The following ERBB4 variants were observed in gnomAD, a reference collection of about 807,000 sequenced individuals.
The protein encoded by ERBB4 is receptor tyrosine-protein kinase erbB-4.
ERBB4 carries 42 observed loss-of-function variants against 158.0 expected under a neutral mutation model. The observed-to-expected ratio is 0.27, with a 90% CI of 0.21 to 0.34. ERBB4 has a LOEUF of 0.34. Among genes scored for constraint, ERBB4 ranks in the 10% least tolerant of loss-of-function variants. The probability of loss-of-function intolerance (pLI) is 1.00; values close to 1 mark genes in which losing one functional copy is unlikely to be tolerated. For synonymous variants in ERBB4, 583 were observed against 558.7 expected, an observed-to-expected ratio of 1.04 and a Z score of -0.61; for missense variants, 1,333 against 1,624.1, an observed-to-expected ratio of 0.82 and a Z score of 3.08.
intron 4 of ERBB4, among the ~76,000 whole-genome samples, chr2:211,754,402 A>T (rs2075234931): frequency 1.7e-5 from 2 of 121,188 alleles, no homozygotes; most frequent in Non-Finnish European, 1.8e-5. Flanking sequence ...TTATTGCAAT[A>T]ATCCCTTTTT....
intron 5 of ERBB4, among the ~76,000 whole-genome samples, chr2:211,750,090 T>C (rs1020696188): frequency 6.6e-5 from 10 of 152,202 alleles, no homozygotes; most frequent in African/African-American, 2.4e-4. Context: ...CTTCATATTT[T>C]CTTTAGCTAA....
intron 2 of ERBB4, among the ~76,000 whole-genome samples, chr2:212,010,281 A>C (rs1482191938): frequency 2.6e-5 from 4 of 152,180 alleles, no homozygotes; most frequent in African/African-American, 9.7e-5. Context: ...CTAGTACTGC[A>C]GCAGGACTAT....
chr2:211,709,254 CATATATATATATATATATAT>C (rs200613120), intron 9 of ERBB4, among the ~76,000 whole-genome samples: 1 of 101,554 alleles, frequency 9.8e-6, no homozygotes, highest in African/African-American at 3.9e-5. Context: ...TATATATACA[CATATATATATATATATATAT>C]ACATACATAT....
At chr2:211,410,755 G>A (rs1394175676) in intron 25 of ERBB4, among the ~76,000 whole-genome samples, 2 of 152,126 alleles carry the variant, frequency 1.3e-5, no homozygotes, top group Non-Finnish European at 2.9e-5. Context: ...AGGGCTAAAT[G>A]AAGAATTTAG....
At chr2:211,940,303 T>G (rs936447183) in intron 3 of ERBB4, among the ~76,000 whole-genome samples, 3 of 152,126 alleles carry the variant, frequency 2.0e-5, no homozygotes, top group African/African-American at 7.2e-5. Context: ...CAATTTCTAG[T>G]ACTACATTTG....
At chr2:211,876,040 A>C (rs2078490499) in intron 3 of ERBB4, among the ~76,000 whole-genome samples, 1 of 152,198 alleles carries the variant, frequency 6.6e-6, no homozygotes, top group African/African-American at 2.4e-5. Flanking sequence ...ACCATTAAGC[A>C]ACACATGACT....
At chr2:212,146,804 A>G (rs995574853) in intron 1 of ERBB4, among the ~76,000 whole-genome samples, 2 of 152,082 alleles carry the variant, frequency 1.3e-5, no homozygotes, top group African/African-American at 4.8e-5. Flanking sequence ...TTGATTTGGA[A>G]AGGCAGTAGC....
At chr2:212,331,780 T>C (rs879901791) in intron 1 of ERBB4, among the ~76,000 whole-genome samples, 2 of 152,090 alleles carry the variant, frequency 1.3e-5, no homozygotes, top group African/African-American at 4.8e-5. Flanking sequence ...CAAAGATTCA[T>C]GTTACATAGT....
chr2:212,120,193 C>T (rs562156067), intron 2 of ERBB4, among the ~76,000 whole-genome samples: 140 of 152,228 alleles, frequency 9.2e-4, no homozygotes, highest in Middle Eastern at 6.8e-3. Flanking sequence ...GTTCTATCTG[C>T]GCAGCTCTCT....
At chr2:211,435,152 T>G (rs541192162) in intron 20 of ERBB4, among the ~76,000 whole-genome samples, 1 of 152,324 alleles carries the variant, frequency 6.6e-6, no homozygotes, top group South Asian at 2.1e-4. Context: ...ACAAACTGGA[T>G]GAAGTCCGTG....
chr2:211,751,813 G>A (rs1264795922), intron 4 of ERBB4, among the ~76,000 whole-genome samples: 3 of 152,070 alleles, frequency 2.0e-5, no homozygotes, highest in African/African-American at 4.8e-5. Flanking sequence ...ATGAGTACAC[G>A]GTTAAGATGC....
At chr2:212,328,029 T>TAAA (rs35809596) in intron 1 of ERBB4, among the ~76,000 whole-genome samples, 2 of 145,244 alleles carry the variant, frequency 1.4e-5, no homozygotes, top group Non-Finnish European at 1.5e-5. Context: ...AAAACAACTT[T>TAAA]AAAAAAAAAA....
At position 212,150,393 on chromosome 2, in the gene ERBB4, A is replaced by G. The variant is rs1362982190; in HGVS notation, c.83-25490T>C. ...ATTGGATTAGGAGTTTACCTACTTC[A>G]GAATAATTTCATTTTCCCTAATTAC... On this transcript the variant is annotated intron_variant, in intron 1 of 27. Transcript: ENST00000342788. Among the ~76,000 whole-genome samples, 3 of 152,196 alleles carry G rather than the reference A, an allele frequency of 2.0e-5. No individual in the cohort carries two copies. In the South Asian group the frequency reaches 6.2e-4, roughly 32 times the overall value.
chr2:212,498,670 T>C (rs1441921851), intron 1 of ERBB4, among the ~76,000 whole-genome samples: 1 of 152,090 alleles, frequency 6.6e-6, no homozygotes, highest in Non-Finnish European at 1.5e-5. Context: ...TTAAAATATA[T>C]TAATATTTAG....
intron 3 of ERBB4, among the ~76,000 whole-genome samples, chr2:211,810,856 A>G (rs572399973): frequency 4.6e-5 from 7 of 151,036 alleles, no homozygotes; most frequent in Admixed American, 1.3e-4. Flanking sequence ...TTGTATTTTT[A>G]GTAGAGACGG....
chr2:211,430,832 G>A lies in ERBB4; in HGVS notation c.2643+113C>T, dbSNP rs1039070766. 4.3e-6 allele frequency: 4 copies of A among 932,622 alleles called. No individual in the cohort carries two copies. In the African/African-American group the frequency reaches 6.6e-5, roughly 15 times the overall value. The allele number at this position is 932,622 out of a possible 1,614,324, so 57.8% of individuals were successfully genotyped here. A position where few individuals can be genotyped will look rare whatever the true frequency, so the allele number is the denominator to read the frequency against. On this transcript the variant is annotated intron_variant, in intron 21 of 27. Coordinates refer to ENST00000342788, the MANE Select transcript of ERBB4 (RefSeq NM_005235.3). ...GAGAAGAGGCAAATGGTAGAACCAA[G>A]GCTTAATAATCTCCTAAGCTTCAGG...
At chr2:211,682,233 C>T (rs1204942217) in intron 12 of ERBB4, among the ~76,000 whole-genome samples, 1 of 152,036 alleles carries the variant, frequency 6.6e-6, no homozygotes, top group East Asian at 1.9e-4. Context: ...AAATTCTGGT[C>T]CAAGTCCAAA....
intron 2 of ERBB4, among the ~76,000 whole-genome samples, chr2:212,060,276 G>T (rs1262810899): frequency 6.6e-6 from 1 of 152,004 alleles, no homozygotes; most frequent in Non-Finnish European, 1.5e-5. Flanking sequence ...TCTCACACCA[G>T]TTAGAATGGC....
intron 1 of ERBB4, among the ~76,000 whole-genome samples, chr2:212,454,133 GTT>G (rs531386466): frequency 6.6e-5 from 10 of 152,096 alleles, no homozygotes; most frequent in Middle Eastern, 6.8e-3. Context: ...TAGAGATGGG[GTT>G]TCACTATGTT....
Sources: gnomAD v4.1 joint callset for allele counts (sites outside exome capture counted in the v4.1 genomes callset) on GRCh38, gnomAD v4.1.1 for gene constraint, MANE v1.5 for transcripts, NCBI Gene and HGNC (gene_info 2026-07-23, HGNC 2026-07-21) for gene names.